HTRA3: variants seen among roughly 807,000 people sequenced by gnomAD.
HTRA3 encodes the protein serine protease HTRA3.
In HTRA3, 41 loss-of-function variants were observed where a neutral mutation model predicts 43.2. The ratio of observed to expected loss-of-function variants is 0.95; its 90% CI spans 0.74 to 1.23. The LOEUF is 1.23. Ranked by LOEUF, HTRA3 falls within the 50% of genes most tolerant of loss-of-function variation. The pLI, the probability that HTRA3 is intolerant of heterozygous loss-of-function variation, is 0.00. For synonymous variants in HTRA3, 295 were observed against 287.9 expected, an observed-to-expected ratio of 1.02 and a Z score of -0.25; for missense variants, 628 against 647.1, an observed-to-expected ratio of 0.97 and a Z score of 0.32.
At position 8,295,890 on chromosome 4, in the gene HTRA3, C is replaced by T; in HGVS notation, c.1051+1689C>T. The T allele has an allele frequency of 8.1e-7, 1 of 1,234,752 alleles. No homozygotes were observed. The highest frequency in any genetic ancestry group is 1.0e-6 in the Non-Finnish European group (1 of 988,660). The allele number at this position is 1,234,752 out of a possible 1,614,324, so 76.5% of individuals were successfully genotyped here. A position where few individuals can be genotyped will look rare whatever the true frequency, so the allele number is the denominator to read the frequency against. The stretch of plus-strand genomic sequence containing the variant: ...TATGGGAAGACAATCTGGAGCCAGG[C>T]AGAGCCTGTCTTTCCCAAAGAAGCT... On this transcript the variant is annotated intron_variant, in intron 6 of 8. Coordinates refer to ENST00000307358, the MANE Select transcript of HTRA3 (RefSeq NM_053044.5). The surrounding 1 kb of genome is among the most constrained non-coding windows in gnomAD (Gnocchi z 6.9).
chr4:8,270,324 G>A lies in HTRA3; in HGVS notation c.356G>A (p.Arg119His), dbSNP rs968095761. 1.0e-5 allele frequency: 15 copies of A among 1,447,490 alleles called. No homozygotes were observed. The Admixed American group carries it at 1.4e-4, about 13-fold the overall frequency. The allele number at this position is 1,447,490 out of a possible 1,614,324, so 89.7% of individuals were successfully genotyped here. Residue 119 changes from arginine (R) to histidine (H), a missense_variant, in exon 1 of 9, where the codon CGC (arginine) becomes CAC (histidine). Coordinates refer to ENST00000307358, the MANE Select transcript of HTRA3 (RefSeq NM_053044.5). ...CTGCAGCTCTCCGGGACGCCCGTGC[G>A]CCAGCTGCAGAAGGGCGCCTGCCCG... ...RALQLSGTPV[R>H]QLQKGACPLG...
chr4:8,280,862 G>C (rs1268258905), intron 1 of HTRA3, among the ~76,000 whole-genome samples: 1 of 152,182 alleles, frequency 6.6e-6, no homozygotes, highest in Non-Finnish European at 1.5e-5. Context: ...TCGGAAGTCT[G>C]GGAGACCCAA....
intron 1 of HTRA3, among the ~76,000 whole-genome samples, chr4:8,280,838 T>C (rs901984544): frequency 6.6e-6 from 1 of 152,104 alleles, no homozygotes; most frequent in Non-Finnish European, 1.5e-5. Flanking sequence ...TGCGGGCCGG[T>C]TGAGAGGCAG....
chr4:8,271,215 G>A (rs1712259239), intron 1 of HTRA3, among the ~76,000 whole-genome samples: 1 of 123,668 alleles, frequency 8.1e-6, no homozygotes, highest in African/African-American at 4.2e-5. Flanking sequence ...GAAGCCTGCA[G>A]AGGGCTTCCT....
intron 3 of HTRA3, among the ~76,000 whole-genome samples, chr4:8,288,878 T>C (rs1713102192): frequency 1.7e-5 from 2 of 118,076 alleles, no homozygotes; most frequent in South Asian, 3.2e-4. Flanking sequence ...ACCCCCAAAT[T>C]TTCCTTCCTT....
chr4:8,279,831 G>A lies in HTRA3; in HGVS notation c.386-2606G>A, dbSNP rs960480124. Among the ~76,000 whole-genome samples the A allele has an allele frequency of 8.5e-5, 13 of 152,096 alleles. 1 individual carries two copies. The highest frequency in any genetic ancestry group is 5.9e-4 in the Admixed American group (9 of 15,278). ...CCTCTGCACTCACCCACCCCACGCC[G>A]GGCTCCTCTCTGCCTCATCCCTGGT... is the stretch of plus-strand genomic sequence containing the variant. On this transcript the variant is annotated intron_variant, in intron 1 of 8. Transcript: ENST00000307358. The surrounding 1 kb of genome is among the most constrained non-coding windows in gnomAD (Gnocchi z 7.4).
Position 8,269,967 on chromosome 4 carries a change from C to G in HTRA3, c.-2C>G. On this transcript the variant is annotated 5_prime_UTR_variant, in exon 1 of 9. Coordinates refer to ENST00000307358, the MANE Select transcript of HTRA3 (RefSeq NM_053044.5). The stretch of plus-strand genomic sequence containing the variant: ...CTGCCACCCGCCGCCGGCCCTGCCG[C>G]CATGCAGGCGCGAGCGCTGCTCCTG... The G allele has an allele frequency of 8.6e-7, 1 of 1,162,174 alleles. No homozygotes were observed. Among genetic ancestry groups the G allele is most frequent in the Non-Finnish European group, 1.1e-6 (1 of 944,008 alleles). 72.0% of individuals were successfully genotyped at this position (1,162,174 alleles called of 1,614,324 possible). A position where few individuals can be genotyped will look rare whatever the true frequency, so the allele number is the denominator to read the frequency against.
Position 8,295,790 on chromosome 4 carries a change from C to T in HTRA3, c.1051+1589C>T, listed in dbSNP as rs1713432791. 2 of 1,267,134 alleles carry T rather than the reference C, an allele frequency of 1.6e-6. No individual in the cohort carries two copies. Among genetic ancestry groups the T allele is most frequent in the Non-Finnish European group, 2.0e-6 (2 of 1,004,026 alleles). The allele number at this position is 1,267,134 out of a possible 1,614,324, so 78.5% of individuals were successfully genotyped here. On this transcript the variant is annotated intron_variant, in intron 6 of 8. Coordinates refer to ENST00000307358, the MANE Select transcript of HTRA3 (RefSeq NM_053044.5). This position sits in a 1 kb window ranked among gnomAD's most constrained non-coding sequence, Gnocchi z 6.9. ...CCAAGCACATGGACCCCAGTGCAGC[C>T]AAGGCTGGTGCCATGAGGGCTGGTC...
chr4:8,291,222 G>C lies in HTRA3; in HGVS notation c.709-148G>C. The C allele has an allele frequency of 4.3e-6, 3 of 699,266 alleles. No individual in the cohort carries two copies. The South Asian group carries it at 5.0e-5, about 12-fold the overall frequency. 43.3% of individuals were successfully genotyped at this position (699,266 alleles called of 1,614,324 possible). A position where few individuals can be genotyped will look rare whatever the true frequency, so the allele number is the denominator to read the frequency against. On this transcript the variant is annotated intron_variant, in intron 3 of 8. Coordinates refer to ENST00000307358, the MANE Select transcript of HTRA3 (RefSeq NM_053044.5). ...ACTGCCCTGGTCTTGGTCTGCACTG[G>C]TGACCTGCCTGAGCCTTCACAGTCC... is the stretch of plus-strand genomic sequence containing the variant.
intron 2 of HTRA3, among the ~76,000 whole-genome samples, chr4:8,285,946 C>T (rs1455698414): frequency 6.6e-6 from 1 of 152,206 alleles, no homozygotes; most frequent in Non-Finnish European, 1.5e-5. Flanking sequence ...CCTCCCAGCA[C>T]TCACCCTGTC....
chr4:8,275,407 G>T (rs1284122180), intron 1 of HTRA3, among the ~76,000 whole-genome samples: 1 of 152,212 alleles, frequency 6.6e-6, no homozygotes, highest in Non-Finnish European at 1.5e-5. Flanking sequence ...CGCAGGCTTG[G>T]TGACCCCAAC....
chr4:8,299,500 T>C (rs1713565628), intron 6 of HTRA3, among the ~76,000 whole-genome samples: 1 of 152,150 alleles, frequency 6.6e-6, no homozygotes, highest in South Asian at 2.1e-4. Context: ...GGCTAGAACT[T>C]CCAGTAAAAT....
intron 1 of HTRA3, among the ~76,000 whole-genome samples, chr4:8,273,310 C>T (rs1712373667): frequency 6.6e-6 from 1 of 152,176 alleles, no homozygotes; most frequent in African/African-American, 2.4e-5. Context: ...CTTCTGCCCT[C>T]CCGAGGTCCC....
In HTRA3 at chr4:8,306,081, T is replaced by C; in HGVS notation, c.1307T>C (p.Val436Ala). 1 of 1,608,388 alleles carries C rather than the reference T, an allele frequency of 6.2e-7. No individual in the cohort carries two copies. The highest frequency in any genetic ancestry group is 2.2e-5 in the East Asian group (1 of 44,672). Reference protein sequence around the residue: ...VLTESPLLLEVRRGNDDLLFS... With the variant: ...VLTESPLLLEARRGNDDLLFS... ...ACCGAGTCTCCTCTCCTACTGGAGG[T>C]GCGGCGGGGGAACGACGACCTCCTC... The change falls in exon 9 of 9, where the codon GTG becomes GCG. Residue 436 changes from valine (V) to alanine (A), a missense_variant. Coordinates refer to ENST00000307358, the MANE Select transcript of HTRA3 (RefSeq NM_053044.5). The surrounding 1 kb of genome is among the most constrained non-coding windows in gnomAD (Gnocchi z 8.9).
intron 8 of HTRA3, 70 bp from the exon 9 acceptor site, chr4:8,305,901 T>C: frequency 6.3e-7 from 1 of 1,575,684 alleles, no homozygotes; most frequent in East Asian, 2.2e-5. Flanking sequence ...TGTGCCTCGC[T>C]CTGGGCCGGG....
rs112691305 is a variant in HTRA3, at chr4:8,274,741, G to C, written c.385+4388G>C. On this transcript the variant is annotated intron_variant, in intron 1 of 8. Transcript: ENST00000307358. ...TGTGGAGAAGGGTTTCCCTTTGCGC[G>C]TAACCAGAGCTCTGAGGCCATGCAG... Among the ~76,000 whole-genome samples the C allele has an allele frequency of 1.8e-3, 268 of 152,332 alleles. 1 individual carries two copies. The highest frequency in any genetic ancestry group is 6.2e-3 in the African/African-American group (258 of 41,574).
chr4:8,285,484 C>T (rs1330973394), intron 2 of HTRA3, among the ~76,000 whole-genome samples: 3 of 152,204 alleles, frequency 2.0e-5, no homozygotes, highest in East Asian at 1.9e-4. Context: ...CCTGCCTGCA[C>T]GTGCCAGACG....
chr4:8,286,300 C>T lies in HTRA3; in HGVS notation c.486-261C>T, dbSNP rs538396951. ...GCAAGCTGGGAGTCATCTGACATGT[C>T]GCAGGCAGCCTGTCTCATCTCAGCA... On this transcript the variant is annotated intron_variant, in intron 2 of 8. Transcript: ENST00000307358. This position sits in a 1 kb window ranked among gnomAD's most constrained non-coding sequence, Gnocchi z 4.9. Among the ~76,000 whole-genome samples the T allele has an allele frequency of 2.6e-5, 4 of 152,270 alleles. No homozygotes were observed. The highest frequency in any genetic ancestry group is 2.1e-4 in the South Asian group (1 of 4,818).
intron 5 of HTRA3, among the ~76,000 whole-genome samples, chr4:8,293,370 G>A (rs935726359): frequency 3.9e-5 from 6 of 152,178 alleles, no homozygotes; most frequent in Admixed American, 3.3e-4. Context: ...TCTCACACTC[G>A]GATGCTCTTC....
Sources: gnomAD v4.1 joint callset for allele counts (sites outside exome capture counted in the v4.1 genomes callset) on GRCh38, gnomAD v4.1.1 for gene constraint, Gnocchi (gnomAD v3.1) non-coding constraint, MANE v1.5 for transcripts, NCBI Gene and HGNC (gene_info 2026-07-23, HGNC 2026-07-21) for gene names.